The following SREBF2 variants were observed in gnomAD, a reference collection of about 807,000 sequenced individuals.
SREBF2 encodes the protein sterol regulatory element binding transcription factor 2.
Under a neutral mutation model 113.1 loss-of-function variants are expected in SREBF2, and 55 were observed. The ratio of observed to expected loss-of-function variants is 0.49; its 90% confidence interval spans 0.39 to 0.61. The LOEUF (loss-of-function observed/expected upper bound fraction) is 0.61, where lower values mean the gene tolerates loss of function less well. Ranked by LOEUF, SREBF2 falls within the 20% of genes least tolerant of loss-of-function variation. SREBF2 has a pLI of 0.00. For missense variants in SREBF2, 1,349 were observed against 1,487.4 expected (o/e 0.91, Z 1.53); for synonymous variants, 593 against 605.7 (o/e 0.98, Z 0.31).
chr22:41,905,549 G>A lies in SREBF2; in HGVS notation c.3315G>A (p.Leu1105=). Residue 1105 remains leucine (L), a synonymous_variant, in exon 19 of 19, where the codon CTG becomes CTA. Coordinates refer to ENST00000361204, the MANE Select transcript of SREBF2 (RefSeq NM_004599.4). ...FLSSPGQRAV[L]LAEAARTLEK... is the part of the protein sequence containing the mutation. ...CCTCCCCGGGCCAGCGGGCAGTGCT[G>A]CTGGCCGAAGCTGCCCGCACCCTGG... 6.3e-7 allele frequency: 1 copy of A among 1,590,144 alleles called. No individual in the cohort carries two copies. The highest frequency in any genetic ancestry group is 8.6e-7 in the Non-Finnish European group (1 of 1,169,010).
intron 11 of SREBF2, among the ~76,000 whole-genome samples, chr22:41,892,647 C>CA (rs397967305): frequency 0.43 from 33,233 of 76,630 alleles, 6,862 homozygotes; most frequent in African/African-American, 0.56. Context: ...AACTCCGTCT[C>CA]AAAAAAAAAA....
chr22:41,840,789 C>G (rs1453444529), intron 1 of SREBF2, among the ~76,000 whole-genome samples: 1 of 152,170 alleles, frequency 6.6e-6, no homozygotes, highest in Non-Finnish European at 1.5e-5. Flanking sequence ...CTTGATGTGA[C>G]TGGGCCGACA....
rs139694676 is a variant in SREBF2, at chr22:41,905,604, G to A, written c.3370G>A (p.Asp1124Asn). The change falls in exon 19 of 19, where the codon GAC (aspartate) becomes AAC (asparagine). Residue 1124 changes from aspartate to asparagine, a missense_variant. Transcript: ENST00000361204. ...GGTGGGCGACCGGCGCTCCTGCAAC[G>A]ACTGCCAGCAGATGATTGTTAAGCT... is the stretch of plus-strand genomic sequence containing the variant. ...EKVGDRRSCN[D>N]CQQMIVKLGG... 22 of 1,600,134 alleles carry A rather than the reference G, an allele frequency of 1.4e-5. No individual in the cohort carries two copies. The highest frequency in any genetic ancestry group is 4.5e-5 in the East Asian group (2 of 44,230).
intron 17 of SREBF2, among the ~76,000 whole-genome samples, chr22:41,903,923 T>C (rs955200628): frequency 6.6e-6 from 1 of 152,154 alleles, no homozygotes; most frequent in African/African-American, 2.4e-5. Flanking sequence ...GACAGTATCA[T>C]CGGAGAGCCA....
intron 11 of SREBF2, among the ~76,000 whole-genome samples, chr22:41,888,062 T>G (rs984835581): frequency 2.0e-5 from 3 of 152,244 alleles, no homozygotes; most frequent in Non-Finnish European, 4.4e-5. Context: ...TATATGCTTT[T>G]CAGATACCTT....
intron 12 of SREBF2, among the ~76,000 whole-genome samples, chr22:41,894,008 AAAT>A (rs2077388516): frequency 1.3e-5 from 2 of 152,072 alleles, no homozygotes; most frequent in Admixed American, 6.6e-5. Context: ...TTTCTTTTTT[AAAT>A]AATAACTGTA....
At position 41,906,590 on chromosome 22, in the gene SREBF2, T is replaced by G. The variant is rs1454859306; in HGVS notation, c.*930T>G. ...TTCAACTTAAACCATGTTTCAACTT[T>G]ACAATTGGTCTGTTGGGGTATTAAA... On this transcript the variant is annotated 3_prime_UTR_variant, in exon 19 of 19. Coordinates refer to ENST00000361204, the MANE Select transcript of SREBF2 (RefSeq NM_004599.4). 1 of 152,624 alleles carries G rather than the reference T, an allele frequency of 6.6e-6. No individual in the cohort carries two copies. The highest frequency in any genetic ancestry group is 6.5e-5 in the Admixed American group (1 of 15,340). The allele number at this position is 152,624 out of a possible 1,614,324, so 9.5% of individuals were successfully genotyped here. A position where few individuals can be genotyped will look rare whatever the true frequency, so the allele number is the denominator to read the frequency against.
chr22:41,850,867 A>T (rs543435628), intron 1 of SREBF2, among the ~76,000 whole-genome samples: 7 of 152,124 alleles, frequency 4.6e-5, no homozygotes, highest in African/African-American at 7.2e-5. Flanking sequence ...CAGCCTCCCG[A>T]GTAGCTCGGA....
intron 17 of SREBF2, 114 bp downstream of exon 17, chr22:41,903,269 T>A: frequency 2.3e-6 from 3 of 1,299,028 alleles, no homozygotes; most frequent in Non-Finnish European, 2.1e-6. Flanking sequence ...GAGGTCAGCC[T>A]GGTGACCTGT....
At chr22:41,900,985 C>T (rs958929412) in intron 16 of SREBF2, 1 of 531,876 alleles carries the variant, frequency 1.9e-6, no homozygotes, top group Admixed American at 1.9e-5. Flanking sequence ...TGGTGGTACC[C>T]ATGCAATGTT....
chr22:41,840,817 T>G (rs1307767718), intron 1 of SREBF2, among the ~76,000 whole-genome samples: 1 of 151,684 alleles, frequency 6.6e-6, no homozygotes, highest in Non-Finnish European at 1.5e-5. Flanking sequence ...TCCCAACTTG[T>G]TGGGGCTCTG....
intron 5 of SREBF2, among the ~76,000 whole-genome samples, chr22:41,874,411 G>A (rs1049903969): frequency 6.6e-6 from 1 of 152,184 alleles, no homozygotes; most frequent in Non-Finnish European, 1.5e-5. Flanking sequence ...AAAGAAAAAA[G>A]AGGTTGAGTC....
Position 41,867,115 on chromosome 22 carries a change from C to T in SREBF2, c.373C>T (p.Pro125Ser). Residue 125 changes from proline (P) to serine (S), a missense_variant, in exon 2 of 19, where the codon CCC becomes TCC. Transcript: ENST00000361204. ...TTCTCCCACCTCAGTTCCCACCACA[C>T]CCAGGGCAACTCCTATTCTTCAGCC... ...KVSPTSVPTT[P>S]RATPILQPRP... 3 of 1,614,212 alleles carry T rather than the reference C, an allele frequency of 1.9e-6. No individual in the cohort carries two copies. In the South Asian group the frequency reaches 3.3e-5, roughly 18 times the overall value.
chr22:41,906,545 T>C lies in SREBF2; in HGVS notation c.*885T>C, dbSNP rs575299845. The C allele has an allele frequency of 6.5e-6, 1 of 153,854 alleles. No homozygotes were observed. Among genetic ancestry groups the C allele is most frequent in the South Asian group, 2.0e-4 (1 of 4,930 alleles). The allele number at this position is 153,854 out of a possible 1,614,324, so 9.5% of individuals were successfully genotyped here. On this transcript the variant is annotated 3_prime_UTR_variant, in exon 19 of 19. Coordinates refer to ENST00000361204, the MANE Select transcript of SREBF2 (RefSeq NM_004599.4). ...CATCTCCTACCTCCACAGTACAGAC[T>C]GTCCCCAACTTAACAGTGGTTCAAC...
At chr22:41,857,890 G>A (rs1327682343) in intron 1 of SREBF2, among the ~76,000 whole-genome samples, 2 of 152,182 alleles carry the variant, frequency 1.3e-5, no homozygotes, top group African/African-American at 4.8e-5. Flanking sequence ...TGAAGGATGT[G>A]GTTGAAAGAG....
intron 1 of SREBF2, among the ~76,000 whole-genome samples, chr22:41,864,977 C>A (rs2077062164): frequency 6.6e-6 from 1 of 151,886 alleles, no homozygotes; most frequent in Admixed American, 6.6e-5. Context: ...CAGAGTCTCG[C>A]TGTGTTGCCC....
At chr22:41,866,098 G>C (rs1446447289) in intron 1 of SREBF2, among the ~76,000 whole-genome samples, 1 of 152,160 alleles carries the variant, frequency 6.6e-6, no homozygotes, top group East Asian at 1.9e-4. Context: ...GATTAGAGGT[G>C]GCCTCACAAG....
chr22:41,837,290 G>A (rs2076784784), intron 1 of SREBF2, among the ~76,000 whole-genome samples: 1 of 152,142 alleles, frequency 6.6e-6, no homozygotes, highest in Non-Finnish European at 1.5e-5. Flanking sequence ...GGGCACAGTG[G>A]CTCATGCCTG....
Position 41,897,058 on chromosome 22 carries a change from C to T in SREBF2, c.2502C>T (p.Phe834=), listed in dbSNP as rs2077422739. 8.7e-6 allele frequency: 14 copies of T among 1,611,374 alleles called. No homozygotes were observed. The highest frequency in any genetic ancestry group is 1.3e-5 in the African/African-American group (1 of 74,952). ...CCCTTTCTTTTCTTCCTAGTGAATT[C>T]TCCAGTGCTCTGGAGTACTTGAAAT... ...AGDQEEESCE[F]SSALEYLKLL... The change falls in exon 14 of 19, where the codon TTC becomes TTT. Residue 834 remains phenylalanine (F), a synonymous_variant. Transcript: ENST00000361204.
Sources: allele counts gnomAD v4.1 joint callset (sites outside exome capture counted in the v4.1 genomes callset), GRCh38; gene constraint gnomAD v4.1.1; transcripts MANE v1.5; gene names NCBI Gene and HGNC (gene_info 2026-07-23, HGNC 2026-07-21).